GULP1: variants seen among roughly 807,000 people sequenced by gnomAD.
GULP1 encodes GULP PTB domain containing engulfment adaptor 1.
In GULP1, 19 loss-of-function variants were observed where a neutral mutation model predicts 40.9. The ratio of observed to expected loss-of-function variants is 0.46; its 90% confidence interval spans 0.32 to 0.68. GULP1 has a LOEUF of 0.68. Ranked by LOEUF, GULP1 falls within the 30% of genes least tolerant of loss-of-function variation. The probability of loss-of-function intolerance (pLI) is 0.03; values close to 1 mark genes in which losing one functional copy is unlikely to be tolerated. For missense variants in GULP1, 312 were observed against 362.2 expected (o/e 0.86, Z 1.12); for synonymous variants, 119 against 117.6 (o/e 1.01, Z -0.08).
At position 188,574,805 on chromosome 2, in the gene GULP1, A is replaced by G. The variant is rs182737500; in HGVS notation, c.609+4685A>G. The stretch of plus-strand genomic sequence containing the variant: ...ACCAAATCGTCTAATAATATATTAC[A>G]GTCTTATTGATGTTGATATCCTTAT... On this transcript the variant is annotated intron_variant, in intron 9 of 11. Coordinates refer to ENST00000409830, the MANE Select transcript of GULP1 (RefSeq NM_016315.4). Among the ~76,000 whole-genome samples the G allele has an allele frequency of 8.8e-4, 134 of 152,350 alleles. 1 individual carries two copies. The Middle Eastern group carries it at 0.01, about 12-fold the overall frequency.
At chr2:188,478,462 C>T (rs72913310) in intron 3 of GULP1, among the ~76,000 whole-genome samples, 18,860 of 152,030 alleles carry the variant, frequency 0.12, 1,512 homozygotes, top group Non-Finnish European at 0.18. Flanking sequence ...GGGCTCTCTC[C>T]TGTTTTACAT....
intron 1 of GULP1, among the ~76,000 whole-genome samples, chr2:188,334,502 A>T (rs940657208): frequency 6.6e-6 from 1 of 152,144 alleles, no homozygotes; most frequent in Non-Finnish European, 1.5e-5. Flanking sequence ...GGTGTGGTCC[A>T]TGTATAAGAG....
intron 7 of GULP1, among the ~76,000 whole-genome samples, chr2:188,545,993 G>A (rs1691851264): frequency 6.6e-6 from 1 of 151,660 alleles, no homozygotes; most frequent in South Asian, 2.1e-4. Context: ...GACAGAGGAG[G>A]GGCATATAGT....
chr2:188,399,714 A>C (rs77694222), intron 2 of GULP1, among the ~76,000 whole-genome samples: 108 of 131,102 alleles, frequency 8.2e-4, no homozygotes, highest in African/African-American at 1.3e-3. Context: ...AAAAAAAAAA[A>C]CATCAAACTG....
intron 6 of GULP1, among the ~76,000 whole-genome samples, chr2:188,536,500 C>T (rs1052027819): frequency 6.6e-5 from 10 of 151,818 alleles, no homozygotes; most frequent in African/African-American, 2.2e-4. Context: ...TGGCTGTAGA[C>T]TTGTGGCTTT....
At chr2:188,591,641 A>G (rs2153476547) in intron 11 of GULP1, 1 of 151,910 alleles carries the variant, frequency 6.6e-6, no homozygotes, top group Non-Finnish European at 1.5e-5. Context: ...GGGTCTGCAA[A>G]GATGAAAAGA....
intron 4 of GULP1, among the ~76,000 whole-genome samples, chr2:188,518,809 T>C (rs2065442459): frequency 6.6e-6 from 1 of 152,156 alleles, no homozygotes; most frequent in South Asian, 2.1e-4. Flanking sequence ...TTTTCATCTC[T>C]TACTGCAATT....
chr2:188,345,442 G>A (rs925018720), intron 1 of GULP1, among the ~76,000 whole-genome samples: 6 of 152,204 alleles, frequency 3.9e-5, no homozygotes, highest in African/African-American at 1.4e-4. Context: ...AGGATAGAAT[G>A]TACCCAGGAA....
intron 3 of GULP1, among the ~76,000 whole-genome samples, chr2:188,483,132 T>C (rs920204738): frequency 2.0e-5 from 3 of 152,050 alleles, no homozygotes; most frequent in Admixed American, 1.3e-4. Context: ...AAATCACAAA[T>C]GAATGCAATT....
At chr2:188,562,728 A>T (rs1447101261) in intron 7 of GULP1, among the ~76,000 whole-genome samples, 2 of 152,180 alleles carry the variant, frequency 1.3e-5, no homozygotes, top group Non-Finnish European at 2.9e-5. Context: ...CAAGCAACAG[A>T]GTATACTTTC....
intron 2 of GULP1, among the ~76,000 whole-genome samples, chr2:188,459,839 C>G (rs1299024481): frequency 6.6e-6 from 1 of 152,140 alleles, no homozygotes; most frequent in Non-Finnish European, 1.5e-5. Flanking sequence ...GAGATGGGGT[C>G]TAGTTTCATT....
chr2:188,537,111 G>C (rs1016134888), intron 6 of GULP1, among the ~76,000 whole-genome samples: 1 of 151,824 alleles, frequency 6.6e-6, no homozygotes, highest in African/African-American at 2.4e-5. Flanking sequence ...CTTCTAGGTA[G>C]ATAATCATAT....
At chr2:188,469,757 C>T (rs944019188) in intron 2 of GULP1, among the ~76,000 whole-genome samples, 3 of 152,008 alleles carry the variant, frequency 2.0e-5, no homozygotes, top group African/African-American at 7.3e-5. Flanking sequence ...TGGTTTTTAT[C>T]ATGAAAGATG....
intron 1 of GULP1, among the ~76,000 whole-genome samples, chr2:188,322,084 A>T (rs2040071572): frequency 6.6e-6 from 1 of 152,154 alleles, no homozygotes; most frequent in Non-Finnish European, 1.5e-5. Context: ...ACTTAAAATT[A>T]TCTAAAGTAT....
intron 2 of GULP1, among the ~76,000 whole-genome samples, chr2:188,441,985 C>T (rs13401242): frequency 0.024 from 3,594 of 152,088 alleles, 153 homozygotes; most frequent in African/African-American, 0.082. Context: ...TAAAAAATAG[C>T]CTTTAAAAAA....
At chr2:188,524,199 A>G (rs1685550276) in intron 5 of GULP1, among the ~76,000 whole-genome samples, 1 of 152,232 alleles carries the variant, frequency 6.6e-6, no homozygotes, top group African/African-American at 2.4e-5. Flanking sequence ...TTATTCAGTC[A>G]ACCCAAATCA....
At position 188,356,302 on chromosome 2, in the gene GULP1, C is replaced by CA. The variant is rs749263126; in HGVS notation, c.-171-27455dup. On this transcript the variant is annotated intron_variant, in intron 1 of 11. Transcript: ENST00000409830. ...ATGGAGAAAAATCTAAAGCCTCCAC[C>CA]AAAAAATTCTTAGAATTGATCAACA... Among the ~76,000 whole-genome samples, 4 of 151,930 alleles carry CA rather than the reference C, an allele frequency of 2.6e-5. No homozygotes were observed. In the East Asian group the frequency reaches 7.7e-4, roughly 29 times the overall value.
intron 1 of GULP1, among the ~76,000 whole-genome samples, chr2:188,317,414 G>T (rs10199401): frequency 0.022 from 3,385 of 152,190 alleles, 134 homozygotes; most frequent in African/African-American, 0.077. Flanking sequence ...ATGATCTGGG[G>T]AGTCTAAGAA....
intron 4 of GULP1, among the ~76,000 whole-genome samples, chr2:188,503,207 C>T (rs772622805): frequency 8.6e-5 from 13 of 151,742 alleles, no homozygotes; most frequent in South Asian, 2.1e-4. Flanking sequence ...TGAGGTTTTT[C>T]GGCATTTTTT....
Sources: allele counts gnomAD v4.1 joint callset (sites outside exome capture counted in the v4.1 genomes callset), GRCh38; gene constraint gnomAD v4.1.1; transcripts MANE v1.5; gene names NCBI Gene and HGNC (gene_info 2026-07-23, HGNC 2026-07-21).